The following KDM5B variants were observed in gnomAD, a reference collection of about 807,000 sequenced individuals.
KDM5B encodes the protein lysine-specific demethylase 5B.
Under a neutral mutation model 193.4 loss-of-function variants are expected in KDM5B, and 144 were observed. The ratio of observed to expected loss-of-function variants is 0.74; its 90% CI spans 0.65 to 0.86. The LOEUF (loss-of-function observed/expected upper bound fraction) is 0.86, where lower values mean the gene tolerates loss of function less well. KDM5B is among the 40% of genes least tolerant of loss of function. The pLI is 0.00. For synonymous variants in KDM5B, 668 were observed against 682.6 expected, an observed-to-expected ratio of 0.98 and a Z score of 0.33; for missense variants, 1,833 against 1,886.9, an observed-to-expected ratio of 0.97 and a Z score of 0.53.
In KDM5B at chr1:202,733,877, G is replaced by A; in HGVS notation, c.3433C>T (p.Leu1145Phe). The A allele has an allele frequency of 6.2e-7, 1 of 1,607,642 alleles. No homozygotes were observed. Among genetic ancestry groups the A allele is most frequent in the Non-Finnish European group, 8.5e-7 (1 of 1,176,818 alleles). The change falls in exon 23 of 27, where the codon CTT (leucine) becomes TTT (phenylalanine). Residue 1145 changes from leucine to phenylalanine, a missense_variant. By Grantham distance (22) the Leu-to-Phe change is conservative (BLOSUM62 0). This residue lies in a region of KDM5B where 1,379 missense variants were observed against 1,349.6 expected (regional missense o/e 1.02). Coordinates refer to ENST00000367265, the MANE Select transcript of KDM5B (RefSeq NM_006618.5). The part of the protein sequence containing the change: ...SKETASAMAT[L>F]GEARLREMEA... ...ATTTCCCTTAGGCGAGCTTCCCCAA[G>A]AGTTGCCATCTGAAAAAGAGTTAAC...
intron 4 of KDM5B, among the ~76,000 whole-genome samples, chr1:202,772,694 CTT>C (rs796278655): frequency 1.4e-5 from 2 of 145,530 alleles, no homozygotes; most frequent in Admixed American, 6.9e-5. Flanking sequence ...AAAACAAGGT[CTT>C]TTTTTTTTTT....
chr1:202,754,216 A>G (rs777032105), intron 11 of KDM5B, among the ~76,000 whole-genome samples: 3 of 152,220 alleles, frequency 2.0e-5, no homozygotes, highest in Non-Finnish European at 4.4e-5. Context: ...TAAATATAAT[A>G]TTCATTTTAC....
At position 202,740,411 on chromosome 1, in the gene KDM5B, A is replaced by AC. The variant is rs1389879749; in HGVS notation, c.3084+262dup. Among the ~76,000 whole-genome samples the AC allele has an allele frequency of 1.5e-4, 14 of 93,710 alleles. No individual in the cohort carries two copies. The East Asian group carries it at 1.9e-3, about 13-fold the overall frequency. The allele number at this position is 93,710 out of a possible 152,430, so 61.5% of individuals were successfully genotyped here. A position where few individuals can be genotyped will look rare whatever the true frequency, so the allele number is the denominator to read the frequency against. ...GGGCAGCCGGCCGGGTGGGGGTCTG[A>AC]CCCCCCCACCTCCCTCCCGGACGGG... On this transcript the variant is annotated intron_variant, in intron 20 of 26. Transcript: ENST00000367265.
chr1:202,772,032 T>C (rs1439113662), intron 4 of KDM5B, among the ~76,000 whole-genome samples: 1 of 152,014 alleles, frequency 6.6e-6, no homozygotes, highest in African/African-American at 2.4e-5. Context: ...GAAGAAAAAA[T>C]CTACTGGATT....
chr1:202,784,061 G>C (rs1657308192), intron 1 of KDM5B, among the ~76,000 whole-genome samples: 1 of 152,126 alleles, frequency 6.6e-6, no homozygotes, highest in Admixed American at 6.6e-5. Context: ...TGAGAGAAAT[G>C]TTTAAAAAAT....
chr1:202,740,644 C>G, intron 20 of KDM5B, 30 bp downstream of exon 20: 1 of 1,590,748 alleles, frequency 6.3e-7, no homozygotes. Flanking sequence ...GATGCACTTA[C>G]ACATTCTGTA....
intron 22 of KDM5B, 130 bp from the exon 23 acceptor site, chr1:202,734,016 A>G: frequency 8.6e-7 from 1 of 1,163,376 alleles, no homozygotes; most frequent in Non-Finnish European, 1.2e-6. Context: ...ACTGCCTCAT[A>G]CTAAGCTGTG....
chr1:202,800,174 G>C (rs968749785), intron 1 of KDM5B, among the ~76,000 whole-genome samples: 3 of 152,006 alleles, frequency 2.0e-5, no homozygotes, highest in Admixed American at 6.6e-5. Context: ...CTCCCGAGTA[G>C]CTTGGGACTA....
At chr1:202,729,331 G>T in intron 26 of KDM5B, 158 bp from the exon 27 acceptor site, 1 of 741,518 alleles carries the variant, frequency 1.3e-6, no homozygotes, top group Non-Finnish European at 2.2e-6. Flanking sequence ...AGTGTAGCTG[G>T]CCCCCTAGCC....
intron 1 of KDM5B, among the ~76,000 whole-genome samples, chr1:202,806,067 A>G (rs1658280146): frequency 6.6e-6 from 1 of 152,212 alleles, no homozygotes; most frequent in African/African-American, 2.4e-5. Context: ...AGGCAATTCG[A>G]TCACACATTT....
Position 202,736,323 on chromosome 1 carries a change from G to T in KDM5B, c.3154C>A (p.His1052Asn), listed in dbSNP as rs1171962658. Residue 1052 changes from histidine (H) to asparagine (N), a missense_variant, in exon 21 of 27, where the codon CAT becomes AAT. This residue lies in a region of KDM5B where 1,379 missense variants were observed against 1,349.6 expected (regional missense o/e 1.02). Coordinates refer to ENST00000367265, the MANE Select transcript of KDM5B (RefSeq NM_006618.5). ...LVTRGRSIPVHLNSLPRLETL... is the reference protein window; with the variant it reads ...LVTRGRSIPVNLNSLPRLETL... The stretch of plus-strand genomic sequence containing the variant: ...TCCAGTCTTGGCAAAGAATTCAGAT[G>T]TACGGGGATAGATCGGCCTCGTGTA... 6.2e-6 allele frequency: 10 copies of T among 1,612,692 alleles called. No individual in the cohort carries two copies. The highest frequency in any genetic ancestry group is 8.5e-6 in the Non-Finnish European group (10 of 1,179,354).
At chr1:202,774,379 G>T (rs957450600) in intron 3 of KDM5B, among the ~76,000 whole-genome samples, 2 of 152,036 alleles carry the variant, frequency 1.3e-5, no homozygotes, top group Non-Finnish European at 1.5e-5. Context: ...CAAATAGCTG[G>T]TACTACAGGG....
At chr1:202,793,827 G>A (rs1657734859) in intron 1 of KDM5B, among the ~76,000 whole-genome samples, 1 of 152,110 alleles carries the variant, frequency 6.6e-6, no homozygotes, top group Admixed American at 6.5e-5. Context: ...TGGAAGATGG[G>A]AAAAGCCACA....
intron 1 of KDM5B, among the ~76,000 whole-genome samples, chr1:202,793,133 C>T (rs1019063722): frequency 2.0e-5 from 3 of 152,076 alleles, no homozygotes; most frequent in African/African-American, 7.2e-5. Flanking sequence ...CCATGGTTTG[C>T]AACATCCAAT....
rs747737701 is a variant in KDM5B, at chr1:202,756,457, C to T, written c.1257G>A (p.Glu419=). The change falls in exon 10 of 27, where the codon GAG becomes GAA. Residue 419 remains glutamate, a synonymous_variant. Coordinates refer to ENST00000367265, the MANE Select transcript of KDM5B (RefSeq NM_006618.5). ...CAGCTCCATATTCCACTGTGACATC[C>T]TCCTCAATAGTGCTTACTAGTCTCC... The part of the protein sequence containing the change: ...EFWRLVSTIE[E]DVTVEYGADI... 4 of 1,613,188 alleles carry T rather than the reference C, an allele frequency of 2.5e-6. No homozygotes were observed. The highest frequency in any genetic ancestry group is 3.4e-6 in the Non-Finnish European group (4 of 1,179,292).
Position 202,726,801 on chromosome 1 carries a change from T to A in KDM5B, c.*2235A>T, listed in dbSNP as rs1442115878. ...GGAAAGTAAACGTTATCTGTGTTCA[T>A]TAGTAGTGTGATGGTGTACAAGGTA... On this transcript the variant is annotated 3_prime_UTR_variant, in exon 27 of 27. Transcript: ENST00000367265. The A allele has an allele frequency of 6.6e-6, 1 of 152,264 alleles. No individual in the cohort carries two copies. Among genetic ancestry groups the A allele is most frequent in the Non-Finnish European group, 1.5e-5 (1 of 68,056 alleles). The allele number at this position is 152,264 out of a possible 1,614,324, so 9.4% of individuals were successfully genotyped here.
chr1:202,776,457 G>C (rs1269088046), intron 2 of KDM5B, among the ~76,000 whole-genome samples: 1 of 151,764 alleles, frequency 6.6e-6, no homozygotes, highest in Admixed American at 6.6e-5. Context: ...CAGGAGGATC[G>C]CTTCAGCCCA....
intron 14 of KDM5B, among the ~76,000 whole-genome samples, chr1:202,747,005 C>T (rs991973699): frequency 1.3e-5 from 2 of 152,146 alleles, no homozygotes; most frequent in African/African-American, 4.8e-5. Flanking sequence ...CTTGGATACA[C>T]CTTTTGTCAT....
intron 13 of KDM5B, 76 bp downstream of exon 13, chr1:202,750,583 A>G: frequency 6.6e-7 from 1 of 1,521,070 alleles, no homozygotes; most frequent in East Asian, 2.3e-5. Context: ...CCCACATGAC[A>G]CTTTAAAACA....
Sources: gnomAD v4.1 joint callset for allele counts (sites outside exome capture counted in the v4.1 genomes callset) on GRCh38, gnomAD v4.1.1 for gene constraint, gnomAD v4.1.1 regional missense constraint, MANE v1.5 for transcripts, NCBI Gene and HGNC (gene_info 2026-07-23, HGNC 2026-07-21) for gene names.